Variants in TRPV1 observed in about 807,000 individuals in gnomAD.
TRPV1 encodes transient receptor potential cation channel subfamily V member 1, also known as OTRPC1.
Under a neutral mutation model 82.3 loss-of-function variants are expected in TRPV1, and 82 were observed. The observed-to-expected ratio is 1.00, with a 90% CI of 0.83 to 1.20. The LOEUF (loss-of-function observed/expected upper bound fraction) is 1.20, where lower values mean the gene tolerates loss of function less well. Ranked by LOEUF, TRPV1 falls within the 50% of genes most tolerant of loss-of-function variation. The pLI is 0.00. For synonymous variants in TRPV1, 515 were observed against 467.7 expected (o/e 1.10, Z -1.30); for missense variants, 1,067 against 1,096.8 (o/e 0.97, Z 0.38).
chr17:3,600,061 C>T (rs933129866), intron 2 of TRPV1, among the ~76,000 whole-genome samples: 30 of 152,170 alleles, frequency 2.0e-4, no homozygotes, highest in Admixed American at 7.9e-4. Context: ...TGAACATAGG[C>T]GTGCAAATAT....
At position 3,592,357 on chromosome 17, in the gene TRPV1, TG is replaced by T; in HGVS notation, c.-8del. 2 of 1,583,740 alleles carry T rather than the reference TG, an allele frequency of 1.3e-6. No homozygotes were observed. The highest frequency in any genetic ancestry group is 1.1e-5 in the South Asian group (1 of 87,682). ...TGCTGCTCCATTTCTTCATCCTTGC[TG>T]GATCCTCTGTGGCCCAGTGTGCAAC... On this transcript the variant is annotated 5_prime_UTR_variant, in exon 3 of 17. Transcript: ENST00000572705.
chr17:3,596,040 T>C (rs2075216771), intron 2 of TRPV1, among the ~76,000 whole-genome samples: 3 of 152,206 alleles, frequency 2.0e-5, no homozygotes, highest in African/African-American at 7.2e-5. Flanking sequence ...TACCGTGATT[T>C]AGGCAAACGA....
At chr17:3,602,984 G>C (rs1431078862) in intron 2 of TRPV1, among the ~76,000 whole-genome samples, 1 of 152,070 alleles carries the variant, frequency 6.6e-6, no homozygotes, top group African/African-American at 2.4e-5. Context: ...AGCCAGGCGT[G>C]GTGGTGCATG....
chr17:3,575,157 A>G (rs1407202021), intron 13 of TRPV1, among the ~76,000 whole-genome samples: 1 of 152,174 alleles, frequency 6.6e-6, no homozygotes, highest in African/African-American at 2.4e-5. Context: ...ACAGAATGCC[A>G]GGTAATAAAT....
At chr17:3,593,119 T>C (rs1221316777) in intron 2 of TRPV1, among the ~76,000 whole-genome samples, 3 of 91,716 alleles carry the variant, frequency 3.3e-5, no homozygotes, top group Non-Finnish European at 5.6e-5. Flanking sequence ...TGTGTGTGTG[T>C]GTGTGTGTGT....
intron 13 of TRPV1, among the ~76,000 whole-genome samples, chr17:3,575,869 C>T (rs1261499783): frequency 6.6e-6 from 1 of 152,148 alleles, no homozygotes; most frequent in African/African-American, 2.4e-5. Context: ...AACCACTGGC[C>T]TCTACTCATT....
intron 14 of TRPV1, among the ~76,000 whole-genome samples, chr17:3,572,604 G>T (rs1260184959): frequency 6.6e-6 from 1 of 152,222 alleles, no homozygotes; most frequent in Non-Finnish European, 1.5e-5. Flanking sequence ...CCTGGGCCAG[G>T]TCCTGGCTCT....
At chr17:3,582,215 T>A (rs1223437588) in intron 10 of TRPV1, among the ~76,000 whole-genome samples, 561 of 33,346 alleles carry the variant, frequency 0.017, 1 homozygote, top group East Asian at 0.056. Context: ...AAAAAAAAAA[T>A]CACAGTGGAG....
At chr17:3,582,007 G>C (rs544711615) in intron 10 of TRPV1, among the ~76,000 whole-genome samples, 10 of 146,916 alleles carry the variant, frequency 6.8e-5, no homozygotes, top group Admixed American at 6.9e-5. Context: ...TGGCTAACAC[G>C]GTGAAACCCC....
At chr17:3,594,127 CAAAAAAAAAAA>C (rs57620622) in intron 2 of TRPV1, among the ~76,000 whole-genome samples, 11 of 46,490 alleles carry the variant, frequency 2.4e-4, no homozygotes, top group African/African-American at 1.4e-3. Context: ...AACTCTGTCT[CAAAAAAAAAAA>C]AAAAAAAAAA....
intron 2 of TRPV1, among the ~76,000 whole-genome samples, chr17:3,605,951 A>C (rs778021730): frequency 2.0e-5 from 3 of 149,990 alleles, no homozygotes; most frequent in Non-Finnish European, 3.0e-5. Flanking sequence ...AAGGTTTATT[A>C]TTTATTTATT....
intron 16 of TRPV1, among the ~76,000 whole-genome samples, chr17:3,568,554 C>G (rs948309953): frequency 1.3e-5 from 2 of 152,034 alleles, no homozygotes; most frequent in African/African-American, 2.4e-5. Context: ...TAAAAATGAG[C>G]CTTTGATAAA....
At chr17:3,604,881 G>C (rs1488259236) in intron 2 of TRPV1, among the ~76,000 whole-genome samples, 1 of 152,088 alleles carries the variant, frequency 6.6e-6, no homozygotes, top group Non-Finnish European at 1.5e-5. Context: ...CAAGGCCCCA[G>C]TCCTCCAAAC....
chr17:3,572,984 G>GAAAAA (rs137909617), intron 14 of TRPV1, among the ~76,000 whole-genome samples: 1 of 71,258 alleles, frequency 1.4e-5, no homozygotes, highest in African/African-American at 5.3e-5. Context: ...CTCCATCTCA[G>GAAAAA]AAAAAAAAAA....
intron 13 of TRPV1, among the ~76,000 whole-genome samples, chr17:3,574,472 G>A (rs2074902901): frequency 6.6e-6 from 1 of 152,154 alleles, no homozygotes; most frequent in South Asian, 2.1e-4. Context: ...CTACTGAAAT[G>A]CAGGGCCTTC....
At chr17:3,580,552 A>G (rs201827248) in intron 10 of TRPV1, 25 bp from the exon 11 acceptor site, 1 of 1,613,226 alleles carries the variant, frequency 6.2e-7, no homozygotes, top group East Asian at 2.2e-5. Context: ...AGAGAGTAAG[A>G]TCCCAGGCAA....
chr17:3,577,993 T>C, intron 11 of TRPV1: 1 of 501,956 alleles, frequency 2.0e-6, no homozygotes, highest in Non-Finnish European at 3.6e-6. Flanking sequence ...TCTTTATGTA[T>C]AAAGCACAGA....
At chr17:3,569,320 A>G (rs1266530134) in intron 16 of TRPV1, among the ~76,000 whole-genome samples, 2 of 152,128 alleles carry the variant, frequency 1.3e-5, no homozygotes, top group East Asian at 3.8e-4. Context: ...CCAGGTACTC[A>G]GGAGGCTGAG....
intron 2 of TRPV1, among the ~76,000 whole-genome samples, chr17:3,594,166 C>A (rs1213065488): frequency 3.7e-4 from 50 of 134,042 alleles, no homozygotes; most frequent in African/African-American, 1.4e-3. Context: ...GCAGCAGCAG[C>A]AGCAGCAGCA....
Sources: allele counts gnomAD v4.1 joint callset (sites outside exome capture counted in the v4.1 genomes callset), GRCh38; gene constraint gnomAD v4.1.1; transcripts MANE v1.5; gene names NCBI Gene and HGNC (gene_info 2026-07-23, HGNC 2026-07-21).